HMGA2: variants seen among roughly 807,000 people sequenced by gnomAD.
The protein encoded by HMGA2 is high mobility group protein HMGI-C.
In HMGA2, 8 loss-of-function variants were observed where a neutral mutation model predicts 19.1. The observed-to-expected ratio is 0.42, with a 90% CI of 0.25 to 0.76. HMGA2 has a LOEUF of 0.76. Among genes scored for constraint, HMGA2 ranks in the 30% least tolerant of loss-of-function variants. HMGA2 has a pLI of 0.28. For synonymous variants in HMGA2, 60 were observed against 48.8 expected (o/e 1.23, Z -0.96); for missense variants, 109 against 136.3 (o/e 0.80, Z 1.00).
At chr12:65,867,816 G>T in intron 3 of HMGA2, 1 of 165,872 alleles carries the variant, frequency 6.0e-6, no homozygotes, top group Admixed American at 5.8e-5. Flanking sequence ...GGGTAAGAAC[G>T]TGCCTTTTCT....
At chr12:65,902,328 G>A (rs1165339441) in intron 3 of HMGA2, among the ~76,000 whole-genome samples, 1 of 151,992 alleles carries the variant, frequency 6.6e-6, no homozygotes, top group African/African-American at 2.4e-5. Context: ...TCTATACCAG[G>A]CACATTCCTC....
chr12:65,930,659 G>A (rs1875677174), intron 3 of HMGA2, among the ~76,000 whole-genome samples: 1 of 152,144 alleles, frequency 6.6e-6, no homozygotes, highest in African/African-American at 2.4e-5. Flanking sequence ...ATTACAAAGT[G>A]GAAATGCAAA....
intron 3 of HMGA2, among the ~76,000 whole-genome samples, chr12:65,904,448 A>G (rs1207075306): frequency 6.6e-6 from 1 of 152,230 alleles, no homozygotes; most frequent in Non-Finnish European, 1.5e-5. Context: ...GAATCAAGAC[A>G]GTGCAAGCCA....
chr12:65,962,807 G>A (rs76509985), intron 4 of HMGA2, among the ~76,000 whole-genome samples: 3,061 of 152,298 alleles, frequency 0.02, 112 homozygotes, highest in African/African-American at 0.069. Context: ...ATTATTACCA[G>A]TATCTGGAGG....
chr12:65,862,781 C>A (rs538285670), intron 3 of HMGA2, among the ~76,000 whole-genome samples: 77 of 152,210 alleles, frequency 5.1e-4, no homozygotes, highest in Middle Eastern at 3.4e-3. Context: ...GTAGCTGAAG[C>A]CATGGCTGTG....
chr12:65,890,423 T>C (rs1282184802), intron 3 of HMGA2, among the ~76,000 whole-genome samples: 1 of 152,228 alleles, frequency 6.6e-6, no homozygotes, highest in African/African-American at 2.4e-5. Flanking sequence ...TTCATTAATA[T>C]ATTCTTGTGA....
At chr12:65,866,736 A>G (rs1872434277) in intron 3 of HMGA2, 1 of 442,650 alleles carries the variant, frequency 2.3e-6, no homozygotes, top group Non-Finnish European at 4.6e-6. Flanking sequence ...GAAGGCAGTT[A>G]TTAATGTGAA....
At chr12:65,838,771 T>C (rs1870852064) in intron 3 of HMGA2, among the ~76,000 whole-genome samples, 1 of 152,064 alleles carries the variant, frequency 6.6e-6, no homozygotes, top group African/African-American at 2.4e-5. Context: ...TTTTCTTTCC[T>C]GAAGGTGGAC....
chr12:65,831,498 T>G (rs989486773), intron 2 of HMGA2, among the ~76,000 whole-genome samples: 1 of 151,848 alleles, frequency 6.6e-6, no homozygotes, highest in African/African-American at 2.4e-5. Flanking sequence ...TACTTCATCA[T>G]GTCATATATT....
chr12:65,914,037 T>G (rs1009821130), intron 3 of HMGA2, among the ~76,000 whole-genome samples: 1 of 152,150 alleles, frequency 6.6e-6, no homozygotes, highest in African/African-American at 2.4e-5. Context: ...ACTTTTACAC[T>G]GTTGGTGGGA....
At chr12:65,842,914 A>G in intron 3 of HMGA2, 1 of 1,191,522 alleles carries the variant, frequency 8.4e-7, no homozygotes, top group Non-Finnish European at 1.0e-6. Flanking sequence ...AAAGTTGTTA[A>G]CCTCATGTAT....
chr12:65,933,776 AT>A (rs1041635513), intron 3 of HMGA2, among the ~76,000 whole-genome samples: 4 of 152,176 alleles, frequency 2.6e-5, no homozygotes, highest in African/African-American at 4.8e-5. Context: ...AACAGTGACA[AT>A]TTTTCCCTAA....
At chr12:65,909,333 T>C (rs1874739594) in intron 3 of HMGA2, among the ~76,000 whole-genome samples, 1 of 152,208 alleles carries the variant, frequency 6.6e-6, no homozygotes, top group Non-Finnish European at 1.5e-5. Flanking sequence ...AGGTGTAGTG[T>C]GCCCTGCAGG....
intron 3 of HMGA2, among the ~76,000 whole-genome samples, chr12:65,929,609 A>G (rs562326763): frequency 6.6e-6 from 1 of 152,164 alleles, no homozygotes; most frequent in South Asian, 2.1e-4. Context: ...AGGGCACTTG[A>G]GAGGTGATCT....
intron 3 of HMGA2, among the ~76,000 whole-genome samples, chr12:65,887,173 A>G (rs994755009): frequency 1.8e-4 from 28 of 152,336 alleles, no homozygotes; most frequent in Middle Eastern, 3.4e-3. Flanking sequence ...TTCAAAGACA[A>G]AAGAGTTTGA....
At chr12:65,926,737 GGTT>G (rs1414118024) in intron 3 of HMGA2, among the ~76,000 whole-genome samples, 1 of 152,158 alleles carries the variant, frequency 6.6e-6, no homozygotes, top group Non-Finnish European at 1.5e-5. Flanking sequence ...ACAAAGGAAA[GGTT>G]GTGGCAGCAG....
At chr12:65,950,231 T>A (rs1273510612) in intron 3 of HMGA2, among the ~76,000 whole-genome samples, 1 of 152,196 alleles carries the variant, frequency 6.6e-6, no homozygotes, top group East Asian at 1.9e-4. Flanking sequence ...TGAAAACATG[T>A]TCGCACGAAA....
intron 3 of HMGA2, among the ~76,000 whole-genome samples, chr12:65,885,232 G>C (rs1455643305): frequency 6.6e-6 from 1 of 151,968 alleles, no homozygotes; most frequent in Non-Finnish European, 1.5e-5. Context: ...GATTATTTTA[G>C]GTAGAATTTA....
chr12:65,825,396 G>A lies in HMGA2; in HGVS notation c.111+15G>A, dbSNP rs1468615765. On this transcript the variant is annotated intron_variant, in intron 1 of 4. Transcript: ENST00000403681. This position sits in a 1 kb window ranked among gnomAD's most constrained non-coding sequence, Gnocchi z 4.4. ...AGCAGCAGCAAGTCAGTACGAGGGC[G>A]CGGTGGGGGCACCAGCCCACCCCGT... 1 of 1,501,642 alleles carries A rather than the reference G, an allele frequency of 6.7e-7. No individual in the cohort carries two copies. Among genetic ancestry groups the A allele is most frequent in the African/African-American group, 1.4e-5 (1 of 69,328 alleles). The allele number at this position is 1,501,642 out of a possible 1,614,324, so 93.0% of individuals were successfully genotyped here. A position where few individuals can be genotyped will look rare whatever the true frequency, so the allele number is the denominator to read the frequency against.
Sources: allele counts gnomAD v4.1 joint callset (sites outside exome capture counted in the v4.1 genomes callset), GRCh38; gene constraint gnomAD v4.1.1; non-coding constraint Gnocchi (gnomAD v3.1); transcripts MANE v1.5; gene names NCBI Gene and HGNC (gene_info 2026-07-23, HGNC 2026-07-21).